LMBR1: variants seen among roughly 807,000 people sequenced by gnomAD.
LMBR1 encodes limb development membrane protein 1.
In LMBR1, 52 loss-of-function variants were observed where a neutral mutation model predicts 73.9. The ratio of observed to expected loss-of-function variants is 0.70; its 90% CI spans 0.56 to 0.89. LMBR1 has a LOEUF of 0.89. Among genes scored for constraint, LMBR1 ranks in the 40% least tolerant of loss-of-function variants. The pLI is 0.00. For missense variants in LMBR1, 539 were observed against 579.8 expected (o/e 0.93, Z 0.72); for synonymous variants, 215 against 209.4 (o/e 1.03, Z -0.23).
chr7:156,822,474 C>T (rs1335831824), intron 4 of LMBR1: 6 of 151,988 alleles, frequency 3.9e-5, no homozygotes, highest in South Asian at 4.1e-4. Context: ...CAGAAACAAA[C>T]GCTAATATAA....
At chr7:156,887,442 C>T (rs893518878) in intron 1 of LMBR1, among the ~76,000 whole-genome samples, 2 of 129,992 alleles carry the variant, frequency 1.5e-5, no homozygotes, top group African/African-American at 3.0e-5. Flanking sequence ...TCCAACCTGG[C>T]GACAGAGTGA....
At chr7:156,686,316 T>C (rs1806000789) in intron 16 of LMBR1, among the ~76,000 whole-genome samples, 1 of 152,100 alleles carries the variant, frequency 6.6e-6, no homozygotes, top group Non-Finnish European at 1.5e-5. Flanking sequence ...TACTATGTGC[T>C]AGATATTCTC....
At chr7:156,871,596 T>C (rs1219038575) in intron 1 of LMBR1, among the ~76,000 whole-genome samples, 1 of 152,194 alleles carries the variant, frequency 6.6e-6, no homozygotes, top group Admixed American at 6.5e-5. Flanking sequence ...TCATAAACCA[T>C]GACTAAGTGG....
rs776377614 is a variant in LMBR1, at chr7:156,763,671, T to C, written c.548A>G (p.Tyr183Cys). 6.3e-7 allele frequency: 1 copy of C among 1,588,432 alleles called. No individual in the cohort carries two copies. Among genetic ancestry groups the C allele is most frequent in the Non-Finnish European group, 8.5e-7 (1 of 1,173,126 alleles). The stretch of plus-strand genomic sequence containing the variant: ...GGTTAAAACAAGGAAATCCATACCA[T>C]ATAAAGATTCCATGCTTGCGGCATC... ...DNDAASMESL[Y>C]DLWEFYLPYL... The change falls in exon 6 of 17, where the codon TAT becomes TGT. Residue 183 changes from tyrosine to cysteine, a missense_variant and splice_region_variant. Physicochemically the swap from Tyr to Cys is radical, Grantham distance 194. Transcript: ENST00000353442.
chr7:156,855,519 G>A (rs1474767350), intron 1 of LMBR1, among the ~76,000 whole-genome samples: 1 of 151,960 alleles, frequency 6.6e-6, no homozygotes, highest in Non-Finnish European at 1.5e-5. Context: ...ATTACAAAAG[G>A]CATAACATAC....
intron 3 of LMBR1, among the ~76,000 whole-genome samples, chr7:156,829,847 A>C (rs1023665727): frequency 6.6e-6 from 1 of 152,180 alleles, no homozygotes; most frequent in African/African-American, 2.4e-5. Context: ...TGCCGTCTCC[A>C]GGGGCCTTGC....
chr7:156,718,829 T>C (rs1170853208), intron 15 of LMBR1, among the ~76,000 whole-genome samples: 1 of 152,054 alleles, frequency 6.6e-6, no homozygotes, highest in East Asian at 1.9e-4. Context: ...TAGTTTTAAT[T>C]GTAACATTTT....
intron 4 of LMBR1, among the ~76,000 whole-genome samples, chr7:156,813,993 A>AC (rs1696581484): frequency 6.6e-6 from 1 of 152,220 alleles, no homozygotes; most frequent in Non-Finnish European, 1.5e-5. Flanking sequence ...AATTGTAAGA[A>AC]TCTAAAATTA....
intron 15 of LMBR1, among the ~76,000 whole-genome samples, chr7:156,697,673 G>T (rs967717775): frequency 6.6e-6 from 1 of 152,038 alleles, no homozygotes; most frequent in African/African-American, 2.4e-5. Flanking sequence ...CTTTCTGCCC[G>T]ACCCCGCAGG....
chr7:156,731,458 T>C (rs1816817631), intron 10 of LMBR1, among the ~76,000 whole-genome samples: 1 of 152,050 alleles, frequency 6.6e-6, no homozygotes, highest in Admixed American at 6.6e-5. Flanking sequence ...GAAAACCAAA[T>C]CTAAGCATAT....
intron 15 of LMBR1, among the ~76,000 whole-genome samples, chr7:156,706,203 G>A (rs1810901893): frequency 1.4e-5 from 2 of 146,246 alleles, no homozygotes; most frequent in South Asian, 4.4e-4. Flanking sequence ...ATGATAAAGG[G>A]ACCTATTCAG....
At chr7:156,869,395 T>C (rs1343467721) in intron 1 of LMBR1, among the ~76,000 whole-genome samples, 2 of 152,174 alleles carry the variant, frequency 1.3e-5, no homozygotes. Context: ...AAAGGAAGAC[T>C]AACACCAGAA....
intron 5 of LMBR1, among the ~76,000 whole-genome samples, chr7:156,768,704 T>G (rs1324119192): frequency 4.6e-5 from 7 of 152,304 alleles, no homozygotes; most frequent in Admixed American, 2.0e-4. Context: ...CCAGGCAGGT[T>G]GAGCTCTGGA....
At chr7:156,821,850 A>G (rs1443591522) in intron 4 of LMBR1, among the ~76,000 whole-genome samples, 1 of 152,218 alleles carries the variant, frequency 6.6e-6, no homozygotes, top group Non-Finnish European at 1.5e-5. Flanking sequence ...GAGATCATAC[A>G]TGGACCCAGC....
intron 4 of LMBR1, among the ~76,000 whole-genome samples, chr7:156,825,380 G>T (rs935746570): frequency 6.6e-6 from 1 of 152,076 alleles, no homozygotes; most frequent in African/African-American, 2.4e-5. Context: ...ACGGGTATGG[G>T]TATGATGAGC....
intron 1 of LMBR1, among the ~76,000 whole-genome samples, chr7:156,842,111 C>T (rs1838812429): frequency 6.6e-6 from 1 of 150,886 alleles, no homozygotes; most frequent in South Asian, 2.1e-4. Context: ...TTGATGGCAT[C>T]TATTTCCTCA....
intron 4 of LMBR1, among the ~76,000 whole-genome samples, chr7:156,800,865 T>C (rs1411090282): frequency 6.6e-6 from 1 of 152,154 alleles, no homozygotes; most frequent in Non-Finnish European, 1.5e-5. Flanking sequence ...TCTGCAGATG[T>C]GGTAAAAATA....
intron 1 of LMBR1, 67 bp downstream of exon 1, chr7:156,892,861 C>CG (rs1803412037): frequency 8.3e-7 from 1 of 1,206,000 alleles, no homozygotes; most frequent in Non-Finnish European, 1.1e-6. Context: ...ACCGGGGGCC[C>CG]GGGGGCGGGG....
intron 9 of LMBR1, 38 bp from the exon 10 acceptor site, chr7:156,734,295 C>T: frequency 7.4e-7 from 1 of 1,352,478 alleles, no homozygotes; most frequent in Non-Finnish European, 1.0e-6. Flanking sequence ...TAAAACAGAA[C>T]CCCTAACACT....
Sources: allele counts gnomAD v4.1 joint callset (sites outside exome capture counted in the v4.1 genomes callset), GRCh38; gene constraint gnomAD v4.1.1; transcripts MANE v1.5; gene names NCBI Gene and HGNC (gene_info 2026-07-23, HGNC 2026-07-21).